NAP1L1: variants seen among roughly 807,000 people sequenced by gnomAD.
The protein encoded by NAP1L1 is nucleosome assembly protein 1 like 1.
Under a neutral mutation model 58.9 loss-of-function variants are expected in NAP1L1, and 9 were observed. That is an observed-to-expected ratio of 0.15 (90% confidence interval 0.09 to 0.27). The LOEUF is 0.27. Among genes scored for constraint, NAP1L1 ranks in the 10% least tolerant of loss-of-function variants. The pLI is 1.00. For missense variants in NAP1L1, 302 were observed against 458.8 expected (o/e 0.66, Z 3.12); for synonymous variants, 130 against 138.3 (o/e 0.94, Z 0.42).
intron 4 of NAP1L1, among the ~76,000 whole-genome samples, chr12:76,061,547 G>C (rs891634887): frequency 6.6e-6 from 1 of 152,142 alleles, no homozygotes; most frequent in Non-Finnish European, 1.5e-5. Context: ...TTGATTCCAT[G>C]TCTGCTAATG....
chr12:76,053,478 A>T (rs1948935126), intron 9 of NAP1L1, 128 bp from the exon 10 acceptor site: 1 of 1,104,114 alleles, frequency 9.1e-7, no homozygotes, highest in Non-Finnish European at 1.3e-6. Context: ...TTTCTATAGC[A>T]GTATAAAGGG....
At chr12:76,083,256 A>G (rs867892653) in intron 1 of NAP1L1, among the ~76,000 whole-genome samples, 3 of 152,204 alleles carry the variant, frequency 2.0e-5, no homozygotes, top group African/African-American at 7.2e-5. Flanking sequence ...TCCCATCTTA[A>G]AAAGGAAACC....
intron 12 of NAP1L1, 77 bp downstream of exon 12, chr12:76,050,454 A>C: frequency 6.7e-7 from 1 of 1,490,712 alleles, no homozygotes; most frequent in Non-Finnish European, 8.9e-7. Context: ...CTTCTTAAAA[A>C]CTAAACTAAT....
At chr12:76,059,482 T>C in intron 6 of NAP1L1, 1 of 270,458 alleles carries the variant, frequency 3.7e-6, no homozygotes, top group Non-Finnish European at 6.9e-6. Context: ...GTTTTAATGC[T>C]CCATCAGATG....
intron 11 of NAP1L1, 95 bp downstream of exon 11, chr12:76,052,996 A>T: frequency 1.6e-6 from 2 of 1,224,844 alleles, no homozygotes; most frequent in South Asian, 1.4e-5. Flanking sequence ...CTCAGAACTC[A>T]ATGTAACAAC....
Position 76,068,968 on chromosome 12 carries a change from T to C in NAP1L1, c.44A>G (p.Asp15Gly). ...DNKEQSELDQ[D>G]LDDVEEVEEE... is the part of the protein sequence containing the mutation. The stretch of plus-strand genomic sequence containing the variant: ...TTCTACTTCTTCAACATCATCCAAA[T>C]CTTGATCAAGTTCAGACTGTTCTTT... Residue 15 changes from aspartate (D) to glycine (G), a missense_variant, in exon 3 of 15, where the codon GAT (aspartate) becomes GGT (glycine). By Grantham distance (94) the Asp-to-Gly change is moderately conservative. Transcript: ENST00000618691. 2 of 1,613,256 alleles carry C rather than the reference T, an allele frequency of 1.2e-6. No individual in the cohort carries two copies. Among genetic ancestry groups the C allele is most frequent in the Non-Finnish European group, 1.7e-6 (2 of 1,179,606 alleles).
chr12:76,068,203 T>C (rs964959297), intron 3 of NAP1L1, among the ~76,000 whole-genome samples: 1 of 152,192 alleles, frequency 6.6e-6, no homozygotes, highest in Non-Finnish European at 1.5e-5. Flanking sequence ...CTAGATGATG[T>C]ACACACAGCC....
intron 11 of NAP1L1, among the ~76,000 whole-genome samples, chr12:76,051,578 T>C (rs1317087961): frequency 6.6e-6 from 1 of 152,154 alleles, no homozygotes; most frequent in East Asian, 1.9e-4. Context: ...AGGGTCTCGC[T>C]ATGTTGCCCA....
intron 6 of NAP1L1, chr12:76,056,392 T>C (rs1468915379): frequency 4.5e-6 from 2 of 441,352 alleles, no homozygotes; most frequent in East Asian, 4.5e-5. Flanking sequence ...GGAAAAACCA[T>C]TTTAGTAAAA....
Position 76,073,830 on chromosome 12 carries a change from A to C in NAP1L1, c.17+373T>G, listed in dbSNP as rs74517446. 312 of 169,698 alleles carry C rather than the reference A, an allele frequency of 1.8e-3. 3 individuals carry two copies. In the East Asian group the frequency reaches 0.037, roughly 20 times the overall value. The allele number at this position is 169,698 out of a possible 1,614,324, so 10.5% of individuals were successfully genotyped here. A position where few individuals can be genotyped will look rare whatever the true frequency, so the allele number is the denominator to read the frequency against. On this transcript the variant is annotated intron_variant, in intron 2 of 14. Coordinates refer to ENST00000618691, the MANE Select transcript of NAP1L1 (RefSeq NM_004537.7). ...CTTGTCTGAATATTCCTTAAGCTCTATATATAAATACATTTTATACACATT... is the reference window on the plus strand; with the variant it reads ...CTTGTCTGAATATTCCTTAAGCTCTCTATATAAATACATTTTATACACATT...
intron 1 of NAP1L1, among the ~76,000 whole-genome samples, chr12:76,081,641 T>C (rs2137122103): frequency 6.6e-6 from 1 of 152,274 alleles, no homozygotes; most frequent in South Asian, 2.1e-4. Flanking sequence ...TAAGTAAAAA[T>C]ATATACAAAT....
chr12:76,079,207 T>C (rs1950306872), intron 1 of NAP1L1, among the ~76,000 whole-genome samples: 1 of 152,162 alleles, frequency 6.6e-6, no homozygotes, highest in Admixed American at 6.5e-5. Flanking sequence ...CTTAAAATAC[T>C]ATCCCCAACC....
Position 76,041,037 on chromosome 12 carries a change from T to G in NAP1L1, c.*7392A>C, listed in dbSNP as rs1269647704. ...TTTGACTGAAGGAAGCTGGGGCCCC[T>G]AGCCCCTGCATTATGAAAGAGCTAA... On this transcript the variant is annotated 3_prime_UTR_variant, in exon 15 of 15. Coordinates refer to ENST00000618691, the MANE Select transcript of NAP1L1 (RefSeq NM_004537.7). 1.3e-5 allele frequency: 2 copies of G among 152,254 alleles called. No homozygotes were observed. Among genetic ancestry groups the G allele is most frequent in the African/African-American group, 4.8e-5 (2 of 41,478 alleles). 9.4% of individuals were successfully genotyped at this position (152,254 alleles called of 1,614,324 possible). A position where few individuals can be genotyped will look rare whatever the true frequency, so the allele number is the denominator to read the frequency against.
intron 6 of NAP1L1, chr12:76,056,457 G>C: frequency 2.9e-6 from 1 of 350,832 alleles, no homozygotes; most frequent in South Asian, 2.4e-5. Context: ...AACAAGAAAA[G>C]CAACAGAAAT....
chr12:76,078,048 T>G (rs1472638929), intron 1 of NAP1L1, among the ~76,000 whole-genome samples: 1 of 150,786 alleles, frequency 6.6e-6, no homozygotes, highest in African/African-American at 2.4e-5. Context: ...AACATTTTGT[T>G]AAAAATCTTA....
At chr12:76,050,159 C>A (rs1422328056) in intron 12 of NAP1L1, among the ~76,000 whole-genome samples, 1 of 152,178 alleles carries the variant, frequency 6.6e-6, no homozygotes, top group Non-Finnish European at 1.5e-5. Flanking sequence ...CTTAACCTAA[C>A]CATCATTCAA....
At chr12:76,064,400 T>C (rs909207231) in intron 4 of NAP1L1, among the ~76,000 whole-genome samples, 7 of 152,144 alleles carry the variant, frequency 4.6e-5, no homozygotes, top group African/African-American at 7.2e-5. Context: ...GCTTGAGCTA[T>C]TAATTTCAGC....
chr12:76,070,795 T>C (rs929521144), intron 2 of NAP1L1, among the ~76,000 whole-genome samples: 1 of 152,194 alleles, frequency 6.6e-6, no homozygotes, highest in African/African-American at 2.4e-5. Flanking sequence ...AACTAACCTA[T>C]GCACATCCTC....
chr12:76,080,171 G>A (rs1950346454), intron 1 of NAP1L1, among the ~76,000 whole-genome samples: 1 of 152,188 alleles, frequency 6.6e-6, no homozygotes, highest in African/African-American at 2.4e-5. Context: ...GATCCCACAA[G>A]ATTATAATGG....
Sources: allele counts gnomAD v4.1 joint callset (sites outside exome capture counted in the v4.1 genomes callset), GRCh38; gene constraint gnomAD v4.1.1; transcripts MANE v1.5; gene names NCBI Gene and HGNC (gene_info 2026-07-23, HGNC 2026-07-21).